Variants in ZNF804B observed in about 807,000 individuals in gnomAD.
ZNF804B encodes the protein zinc finger protein 804B, also known as zinc finger 804B.
Under a neutral mutation model 101.4 loss-of-function variants are expected in ZNF804B, and 80 were observed. That is an observed-to-expected ratio of 0.79 (90% CI 0.66 to 0.95). The LOEUF is 0.95. Ranked by LOEUF, ZNF804B falls within the 40% of genes least tolerant of loss-of-function variation. ZNF804B has a pLI of 0.00. For missense variants in ZNF804B, 1,673 were observed against 1,561.9 expected, an observed-to-expected ratio of 1.07 and a Z score of -1.20; for synonymous variants, 622 against 558.8, an observed-to-expected ratio of 1.11 and a Z score of -1.59.
chr7:88,943,793 T>C (rs1000781066), intron 1 of ZNF804B, among the ~76,000 whole-genome samples: 1 of 151,828 alleles, frequency 6.6e-6, no homozygotes, highest in African/African-American at 2.4e-5. Context: ...TCTGCACCTA[T>C]AACTTTGAAT....
intron 1 of ZNF804B, among the ~76,000 whole-genome samples, chr7:89,090,994 T>C (rs1351781648): frequency 2.0e-5 from 3 of 152,174 alleles, no homozygotes; most frequent in African/African-American, 7.2e-5. Context: ...TGAGGAAAGT[T>C]TGGACGTAAG....
At chr7:88,929,170 G>A (rs941463054) in intron 1 of ZNF804B, among the ~76,000 whole-genome samples, 1 of 151,796 alleles carries the variant, frequency 6.6e-6, no homozygotes, top group African/African-American at 2.4e-5. Context: ...AAGATCTCCT[G>A]TGGCCATCAA....
chr7:88,862,093 C>A (rs182733718), intron 1 of ZNF804B, among the ~76,000 whole-genome samples: 5 of 152,294 alleles, frequency 3.3e-5, no homozygotes, highest in Non-Finnish European at 5.9e-5. Context: ...TACTAAATAA[C>A]GTACTCAGTT....
At chr7:89,329,328 G>A (rs890541873) in intron 3 of ZNF804B, among the ~76,000 whole-genome samples, 2 of 151,668 alleles carry the variant, frequency 1.3e-5, no homozygotes, top group Non-Finnish European at 3.0e-5. Flanking sequence ...TGCTTAAACA[G>A]ACTCATGGTT....
chr7:88,766,324 A>T (rs1387110938), intron 1 of ZNF804B, among the ~76,000 whole-genome samples: 1 of 152,152 alleles, frequency 6.6e-6, no homozygotes. Context: ...AAATAAATAA[A>T]TAAAACATAA....
At chr7:89,305,525 G>A (rs1316864272) in intron 2 of ZNF804B, among the ~76,000 whole-genome samples, 2 of 151,792 alleles carry the variant, frequency 1.3e-5, no homozygotes, top group African/African-American at 4.8e-5. Flanking sequence ...CCTCAACATA[G>A]TTTGTTGTTG....
At chr7:89,107,840 A>G (rs1172520572) in intron 1 of ZNF804B, among the ~76,000 whole-genome samples, 4 of 152,134 alleles carry the variant, frequency 2.6e-5, no homozygotes, top group African/African-American at 4.8e-5. Flanking sequence ...ACTAAGCGGC[A>G]TGGGGGGTAT....
intron 1 of ZNF804B, among the ~76,000 whole-genome samples, chr7:88,815,835 T>G (rs914892404): frequency 6.6e-6 from 1 of 152,050 alleles, no homozygotes; most frequent in African/African-American, 2.4e-5. Flanking sequence ...ATTTTTAACC[T>G]GCTCATGCTC....
rs1260869916 is a variant in ZNF804B, at chr7:89,337,588, A to C, written c.*556A>C. Among the ~76,000 whole-genome samples the C allele has an allele frequency of 1.3e-5, 2 of 152,114 alleles. No homozygotes were observed. The highest frequency in any genetic ancestry group is 2.9e-5 in the Non-Finnish European group (2 of 68,002). On this transcript the variant is annotated 3_prime_UTR_variant, in exon 4 of 4. Transcript: ENST00000333190. ...CATTTTCTGATTAATTTAGGTTGAA[A>C]ATTACATTTTAATGAAAAACAATCT...
Position 89,333,915 on chromosome 7 carries a change from TGA to T in ZNF804B, c.936_937del (p.Glu312AspfsTer14). On this transcript the variant is annotated frameshift_variant, in exon 4 of 4. Transcript: ENST00000333190. LOFTEE classifies it high-confidence loss of function. Reference sequence around the variant, plus strand: ...TGCAAGACAAACACGACTCTATTGATGAGACACTAGAAGATTCAATTGGCATT... The same window carrying T: ...TGCAAGACAAACACGACTCTATTGATGACACTAGAAGATTCAATTGGCATT... ...ILQDKHDSIDETLEDSIGIHA... is the reference protein window; with the variant it reads ...ILQDKHDSIDXTLEDSIGIHA... 6.2e-7 allele frequency: 1 copy of T among 1,613,594 alleles called. No homozygotes were observed. Among genetic ancestry groups the T allele is most frequent in the East Asian group, 2.2e-5 (1 of 44,870 alleles).
intron 1 of ZNF804B, among the ~76,000 whole-genome samples, chr7:88,965,363 A>T (rs1793439212): frequency 6.6e-6 from 1 of 151,418 alleles, no homozygotes; most frequent in Non-Finnish European, 1.5e-5. Flanking sequence ...CTGTTATTTT[A>T]AAATAGCCCT....
At chr7:89,039,485 A>AT (rs967934144) in intron 1 of ZNF804B, among the ~76,000 whole-genome samples, 1 of 151,906 alleles carries the variant, frequency 6.6e-6, no homozygotes, top group African/African-American at 2.4e-5. Context: ...TGTTTTCATA[A>AT]TTTTTTTAGA....
chr7:89,209,256 G>A (rs1788766724), intron 1 of ZNF804B, among the ~76,000 whole-genome samples: 1 of 151,778 alleles, frequency 6.6e-6, no homozygotes, highest in African/African-American at 2.4e-5. Context: ...CATGTTTAAT[G>A]TGCTTTTATT....
At chr7:88,788,750 TTAGA>T (rs2115677924) in intron 1 of ZNF804B, among the ~76,000 whole-genome samples, 1 of 152,218 alleles carries the variant, frequency 6.6e-6, no homozygotes, top group South Asian at 2.1e-4. Context: ...TCATTATCTC[TTAGA>T]TGGGAGTTGA....
chr7:88,984,871 AT>A (rs1171013032), intron 1 of ZNF804B, among the ~76,000 whole-genome samples: 1 of 151,760 alleles, frequency 6.6e-6, no homozygotes, highest in Admixed American at 6.6e-5. Context: ...CAGATTGTAT[AT>A]TTTTTTTAAT....
chr7:89,202,289 C>T (rs985122180), intron 1 of ZNF804B, among the ~76,000 whole-genome samples: 6 of 152,086 alleles, frequency 3.9e-5, no homozygotes, highest in Admixed American at 2.0e-4. Flanking sequence ...AAAGGTGTAG[C>T]TTCCTCCTTT....
At chr7:88,947,672 A>G (rs1266443269) in intron 1 of ZNF804B, among the ~76,000 whole-genome samples, 2 of 151,882 alleles carry the variant, frequency 1.3e-5, no homozygotes, top group African/African-American at 2.4e-5. Context: ...AGTATATATA[A>G]AAAAGAAAAA....
chr7:89,002,568 G>C (rs1055876539), intron 1 of ZNF804B, among the ~76,000 whole-genome samples: 1 of 151,826 alleles, frequency 6.6e-6, no homozygotes, highest in African/African-American at 2.4e-5. Context: ...GTTATGAAAG[G>C]TGGCATTCTT....
At chr7:89,046,540 C>T (rs1207904122) in intron 1 of ZNF804B, among the ~76,000 whole-genome samples, 1 of 152,154 alleles carries the variant, frequency 6.6e-6, no homozygotes, top group African/African-American at 2.4e-5. Context: ...GTCTGAAATG[C>T]TGTCTAGGTA....
Sources: gnomAD v4.1 joint callset for allele counts (sites outside exome capture counted in the v4.1 genomes callset) on GRCh38, gnomAD v4.1.1 for gene constraint, MANE v1.5 for transcripts, NCBI Gene and HGNC (gene_info 2026-07-23, HGNC 2026-07-21) for gene names.